The following ISY1 variants were observed in gnomAD, a reference collection of about 807,000 sequenced individuals.
ISY1 encodes pre-mRNA-splicing factor ISY1 homolog.
Under a neutral mutation model 54.4 loss-of-function variants are expected in ISY1, and 12 were observed. The observed-to-expected ratio is 0.22, with a 90% CI of 0.14 to 0.36. The LOEUF (loss-of-function observed/expected upper bound fraction) is 0.36, where lower values mean the gene tolerates loss of function less well. Ranked by LOEUF, ISY1 falls within the 10% of genes least tolerant of loss-of-function variation. The pLI, the probability that ISY1 is intolerant of heterozygous loss-of-function variation, is 1.00. For synonymous variants in ISY1, 96 were observed against 117.9 expected, an observed-to-expected ratio of 0.81 and a Z score of 1.20; for missense variants, 282 against 342.2, an observed-to-expected ratio of 0.82 and a Z score of 1.39.
At chr3:129,135,134 G>A (rs561389592) in intron 7 of ISY1, among the ~76,000 whole-genome samples, 180 bp from the exon 8 acceptor site, 1 of 152,174 alleles carries the variant, frequency 6.6e-6, no homozygotes, top group African/African-American at 2.4e-5. Context: ...GGCTCACAAG[G>A]TCAGGAGTTC....
chr3:129,141,694 C>CA (rs1936621784), intron 6 of ISY1, among the ~76,000 whole-genome samples: 1 of 145,048 alleles, frequency 6.9e-6, no homozygotes. Context: ...GCGGAGCTTG[C>CA]AGTGAGCTGA....
At chr3:129,131,976 T>C (rs1334441246) in intron 9 of ISY1, among the ~76,000 whole-genome samples, 1 of 152,160 alleles carries the variant, frequency 6.6e-6, no homozygotes, top group Non-Finnish European at 1.5e-5. Context: ...ACTATAGGCA[T>C]GTCCAACCAC....
intron 5 of ISY1, among the ~76,000 whole-genome samples, chr3:129,154,439 CAAAA>C (rs58548903): frequency 9.0e-5 from 3 of 33,410 alleles, no homozygotes; most frequent in African/African-American, 2.7e-4. Flanking sequence ...GACTCCATCT[CAAAA>C]AAAAAAAAAA....
chr3:129,128,447 C>T lies in ISY1; in HGVS notation c.*1634G>A, dbSNP rs577694924. 52 of 153,782 alleles carry T rather than the reference C, an allele frequency of 3.4e-4. No homozygotes were observed. Among genetic ancestry groups the T allele is most frequent in the Admixed American group, 2.3e-3 (35 of 15,332 alleles). The allele number at this position is 153,782 out of a possible 1,614,324, so 9.5% of individuals were successfully genotyped here. A position where few individuals can be genotyped will look rare whatever the true frequency, so the allele number is the denominator to read the frequency against. On this transcript the variant is annotated 3_prime_UTR_variant, in exon 11 of 11. Transcript: ENST00000393295. ...CTGCCAGGGCCTCTGCCCCAGCCTC[C>T]TCCTGACCTGGTCCTGCCTGGGCCT...
At chr3:129,134,030 T>G (rs1188350747) in intron 9 of ISY1, 44 bp downstream of exon 9, 4 of 1,612,072 alleles carry the variant, frequency 2.5e-6, no homozygotes, top group Admixed American at 1.7e-5. Flanking sequence ...CTTCATGGCT[T>G]GGAACAGATG....
chr3:129,140,612 G>C, intron 6 of ISY1, 127 bp from the exon 7 acceptor site: 1 of 1,051,544 alleles, frequency 9.5e-7, no homozygotes, highest in South Asian at 1.7e-5. Context: ...GTCTCGCTCT[G>C]TTGCCCAGGC....
chr3:129,135,725 C>CA (rs1252038623), intron 7 of ISY1, among the ~76,000 whole-genome samples: 2 of 150,398 alleles, frequency 1.3e-5, no homozygotes, highest in East Asian at 3.9e-4. Context: ...AAGACTGCAC[C>CA]ACTGCACTGC....
chr3:129,133,119 G>A (rs552986883), intron 9 of ISY1, among the ~76,000 whole-genome samples: 1 of 152,210 alleles, frequency 6.6e-6, no homozygotes, highest in South Asian at 2.1e-4. Context: ...TTCAAATGTT[G>A]AATTTTCCTT....
rs138730858 is a variant in ISY1 at position 129,141,975 on chromosome 3, C to T, written c.301-1490G>A. On this transcript the variant is annotated intron_variant, in intron 6 of 10. Transcript: ENST00000393295. ...ATCCCAGCACTTTGTGAGACCAAGG[C>T]GGGAAGATCACCTGAGGTCAGGAGT... is the stretch of plus-strand genomic sequence containing the variant. Among the ~76,000 whole-genome samples, 103 of 151,878 alleles carry T rather than the reference C, an allele frequency of 6.8e-4. 3 individuals carry two copies. The East Asian group carries it at 0.019, about 28-fold the overall frequency.
In ISY1 at chr3:129,134,116, TTCC is replaced by T. The variant is rs753708427; in HGVS notation, c.618_620del (p.Glu211del). The T allele has an allele frequency of 1.4e-5, 22 of 1,614,136 alleles. 1 individual carries two copies. The highest frequency in any genetic ancestry group is 9.9e-5 in the South Asian group (9 of 91,084). On this transcript the variant is annotated inframe_deletion, in exon 9 of 11. Coordinates refer to ENST00000393295, the MANE Select transcript of ISY1 (RefSeq NM_020701.4). ...CATAGATGTTGATCTCTTCCTCCTC[TTCC>T]TCCTCCTCTTCCTTTTCTCCTCTTG...
chr3:129,136,134 C>A (rs1266612972), intron 7 of ISY1, among the ~76,000 whole-genome samples: 1 of 150,640 alleles, frequency 6.6e-6, no homozygotes. Flanking sequence ...GATGGAATTT[C>A]GCTCTTGTCC....
chr3:129,157,579 G>A (rs1017407745), intron 3 of ISY1, among the ~76,000 whole-genome samples: 2 of 151,984 alleles, frequency 1.3e-5, no homozygotes, highest in Non-Finnish European at 2.9e-5. Context: ...AAATTAGCTG[G>A]GTGTGGTGAT....
intron 6 of ISY1, 91 bp from the exon 7 acceptor site, chr3:129,140,576 T>C: frequency 7.4e-7 from 1 of 1,353,606 alleles, no homozygotes. Context: ...TCTCGCTCTG[T>C]TGCCCATTTA....
chr3:129,130,246 G>A, intron 10 of ISY1, 58 bp from the exon 11 acceptor site: 1 of 1,524,872 alleles, frequency 6.6e-7, no homozygotes, highest in Non-Finnish European at 8.8e-7. Context: ...ACCCCTGCCA[G>A]ACCCAGCCAG....
chr3:129,132,882 G>A (rs1027738793), intron 9 of ISY1, among the ~76,000 whole-genome samples: 2 of 152,204 alleles, frequency 1.3e-5, no homozygotes, highest in African/African-American at 4.8e-5. Context: ...GAGCAGGAAC[G>A]TCAGGCCTGT....
intron 5 of ISY1, among the ~76,000 whole-genome samples, chr3:129,156,424 T>C (rs1031428491): frequency 2.0e-5 from 3 of 151,088 alleles, no homozygotes; most frequent in African/African-American, 7.3e-5. Context: ...AAATGACGTA[T>C]TCTTTATTGT....
chr3:129,152,547 G>T (rs1047395795), intron 5 of ISY1, among the ~76,000 whole-genome samples: 1 of 152,092 alleles, frequency 6.6e-6, no homozygotes, highest in Non-Finnish European at 1.5e-5. Context: ...GGGACTACAG[G>T]CACCTGCCAC....
In ISY1 at chr3:129,130,403, C is replaced by T. The variant is rs534925533; in HGVS notation, c.750+147G>A. Reference sequence around the variant, plus strand: ...GGTCCTGCCCTTTTTGGACCCCACACCCTGAACACAATGACAGGTGTCATG... The same window carrying T: ...GGTCCTGCCCTTTTTGGACCCCACATCCTGAACACAATGACAGGTGTCATG... On this transcript the variant is annotated intron_variant, in intron 10 of 10. Transcript: ENST00000393295. The T allele has an allele frequency of 2.7e-4, 324 of 1,190,120 alleles. No individual in the cohort carries two copies. In the African/African-American group the frequency reaches 4.7e-3, roughly 17 times the overall value. 73.7% of individuals were successfully genotyped at this position (1,190,120 alleles called of 1,614,324 possible).
At chr3:129,157,141 C>T (rs1937165824) in intron 3 of ISY1, among the ~76,000 whole-genome samples, 1 of 152,120 alleles carries the variant, frequency 6.6e-6, no homozygotes, top group African/African-American at 2.4e-5. Flanking sequence ...ACTTAACTGT[C>T]CTGCAATAGA....
Sources: allele counts gnomAD v4.1 joint callset (sites outside exome capture counted in the v4.1 genomes callset), GRCh38; gene constraint gnomAD v4.1.1; transcripts MANE v1.5; gene names NCBI Gene and HGNC (gene_info 2026-07-23, HGNC 2026-07-21).